The following NUMB variants were observed in gnomAD, a reference collection of about 807,000 sequenced individuals.
The protein encoded by NUMB is NUMB endocytic adaptor protein, also known as protein numb homolog.
Under a neutral mutation model 59.7 loss-of-function variants are expected in NUMB, and 29 were observed. The observed-to-expected ratio is 0.49, with a 90% CI of 0.36 to 0.66. The LOEUF (loss-of-function observed/expected upper bound fraction) is 0.66. Ranked by LOEUF, NUMB falls within the 30% of genes least tolerant of loss-of-function variation. NUMB has a pLI of 0.00. For missense variants in NUMB, 723 were observed against 822.0 expected (o/e 0.88, Z 1.47); for synonymous variants, 288 against 288.2 (o/e 1.00, Z 0.01).
rs745512673 is a variant in NUMB, at chr14:73,284,117, T to C, written c.913A>G (p.Met305Val). 4 of 1,614,000 alleles carry C rather than the reference T, an allele frequency of 2.5e-6. No homozygotes were observed. The highest frequency in any genetic ancestry group is 2.2e-5 in the South Asian group (2 of 91,084). ...ATGGGGAAATCAGTCTTCCTCTGCA[T>C]AGTGGAAGGCAACTCATTGATGCGT... ...SLRINELPST[M>V]QRKTDFPIKN... Residue 305 changes from methionine (M) to valine (V), a missense_variant, in exon 10 of 13, where the codon ATG becomes GTG. Around this residue, in one of 2 missense-constraint regions of NUMB, gnomAD observed 317 missense variants for 436.6 expected, o/e 0.73. Coordinates refer to ENST00000555238, the MANE Select transcript of NUMB (RefSeq NM_001005743.2).
chr14:73,305,623 T>C (rs1005051228), intron 6 of NUMB, among the ~76,000 whole-genome samples: 1 of 152,326 alleles, frequency 6.6e-6, no homozygotes, highest in African/African-American at 2.4e-5. Flanking sequence ...AGAAATGCTA[T>C]AAAGACACAT....
At chr14:73,329,146 G>C (rs762874071) in intron 4 of NUMB, among the ~76,000 whole-genome samples, 16 of 152,220 alleles carry the variant, frequency 1.1e-4, no homozygotes, top group Admixed American at 6.5e-4. Context: ...GGGATTACAG[G>C]CATGAGCCCC....
chr14:73,276,443 C>T lies in NUMB; in HGVS notation c.*135G>A. On this transcript the variant is annotated 3_prime_UTR_variant, in exon 13 of 13. Coordinates refer to ENST00000555238, the MANE Select transcript of NUMB (RefSeq NM_001005743.2). Reference sequence around the variant, plus strand: ...AAATCACCCCTCACAGTACTCTGGGCCTGGACTTGTTCCTTGGGACCTTTG... The same window carrying T: ...AAATCACCCCTCACAGTACTCTGGGTCTGGACTTGTTCCTTGGGACCTTTG... 4.5e-6 allele frequency: 3 copies of T among 673,342 alleles called. No homozygotes were observed. The South Asian group carries it at 6.0e-5, about 13-fold the overall frequency. 41.7% of individuals were successfully genotyped at this position (673,342 alleles called of 1,614,324 possible).
Position 73,284,212 on chromosome 14 carries a change from C to T in NUMB, c.818G>A (p.Arg273His). 6.2e-7 allele frequency: 1 copy of T among 1,614,112 alleles called. No homozygotes were observed. The change falls in exon 10 of 13, where the codon CGC (arginine) becomes CAC (histidine). Residue 273 changes from arginine to histidine, a missense_variant. By Grantham distance (29) the Arg-to-His change is conservative. Coordinates refer to ENST00000555238, the MANE Select transcript of NUMB (RefSeq NM_001005743.2). ...AGGAAAACCTCGGAAAGAGCCTTGG[C>T]GAGCAAGCTGTTCAATTGGAGCATG... Reference protein sequence around the residue: ...RRHAPIEQLARQGSFRGFPAL... With the variant: ...RRHAPIEQLAHQGSFRGFPAL...
At chr14:73,400,119 G>A (rs958447722) in intron 2 of NUMB, among the ~76,000 whole-genome samples, 1 of 152,086 alleles carries the variant, frequency 6.6e-6, no homozygotes, top group Non-Finnish European at 1.5e-5. Flanking sequence ...GTCATGAAGA[G>A]CAGACATGAA....
At chr14:73,361,056 T>C (rs1823913039) in intron 3 of NUMB, among the ~76,000 whole-genome samples, 1 of 151,994 alleles carries the variant, frequency 6.6e-6, no homozygotes, top group South Asian at 2.1e-4. Flanking sequence ...ACCCAGCTAA[T>C]TGTTGTGTTT....
Position 73,277,059 on chromosome 14 carries a change from G to A in NUMB, c.1475C>T (p.Pro492Leu), listed in dbSNP as rs1200971767. The A allele has an allele frequency of 2.5e-6, 4 of 1,614,170 alleles. No individual in the cohort carries two copies. Among genetic ancestry groups the A allele is most frequent in the African/African-American group, 1.3e-5 (1 of 75,066 alleles). The change falls in exon 13 of 13, where the codon CCT (proline) becomes CTT (leucine). Residue 492 changes from proline (P) to leucine (L), a missense_variant. Pro to Leu is a moderately conservative substitution (Grantham distance 98). Around this residue, in one of 2 missense-constraint regions of NUMB, gnomAD observed 406 missense variants for 385.4 expected, o/e 1.05. Coordinates refer to ENST00000555238, the MANE Select transcript of NUMB (RefSeq NM_001005743.2). ...FQGNAFLTSQPVPVGVVPALQ... is the reference protein window; with the variant it reads ...FQGNAFLTSQLVPVGVVPALQ... The stretch of plus-strand genomic sequence containing the variant: ...GGCTGGGACCACACCCACTGGCACA[G>A]GCTGAGAGGTGAGGAATGCATTCCC...
intron 4 of NUMB, among the ~76,000 whole-genome samples, chr14:73,343,022 G>A (rs967528748): frequency 8.6e-5 from 13 of 150,314 alleles, no homozygotes; most frequent in Non-Finnish European, 1.6e-4. Flanking sequence ...TTGTAAAGAT[G>A]GAGTCTCCCT....
chr14:73,419,211 G>A (rs973603843), intron 1 of NUMB, among the ~76,000 whole-genome samples: 2 of 152,092 alleles, frequency 1.3e-5, no homozygotes, highest in African/African-American at 4.8e-5. Flanking sequence ...GGAGGAAAAG[G>A]AATGAAAATC....
chr14:73,450,673 T>TA lies in NUMB; in HGVS notation c.-233+7819dup, dbSNP rs1651815453. Among the ~76,000 whole-genome samples the TA allele has an allele frequency of 2.0e-5, 3 of 152,074 alleles. No homozygotes were observed. In the South Asian group the frequency reaches 6.2e-4, roughly 32 times the overall value. Reference sequence around the variant, plus strand: ...AGCCGGGCGTGGTGGCACACGCCTGTAATCCCAGCTACTCGGAAGGCAGGA... The same window carrying TA: ...AGCCGGGCGTGGTGGCACACGCCTGTAAATCCCAGCTACTCGGAAGGCAGGA... On this transcript the variant is annotated intron_variant, in intron 1 of 12. Coordinates refer to ENST00000555238, the MANE Select transcript of NUMB (RefSeq NM_001005743.2).
At chr14:73,346,030 CAAAG>C (rs1398733947) in intron 4 of NUMB, among the ~76,000 whole-genome samples, 2 of 151,970 alleles carry the variant, frequency 1.3e-5, no homozygotes, top group African/African-American at 2.4e-5. Flanking sequence ...TTTTCCAAAA[CAAAG>C]AAATTTAGTG....
At chr14:73,448,032 A>C (rs1465889006) in intron 1 of NUMB, among the ~76,000 whole-genome samples, 1 of 152,136 alleles carries the variant, frequency 6.6e-6, no homozygotes, top group Non-Finnish European at 1.5e-5. Flanking sequence ...TCTGAGCTCA[A>C]GTGATTCGCC....
At chr14:73,410,277 T>C (rs1161622203) in intron 1 of NUMB, among the ~76,000 whole-genome samples, 5 of 152,200 alleles carry the variant, frequency 3.3e-5, no homozygotes, top group East Asian at 3.8e-4. Flanking sequence ...GTGGATAATA[T>C]GGGTTCAAGT....
chr14:73,307,972 AT>A (rs1211256424), intron 6 of NUMB, among the ~76,000 whole-genome samples: 2 of 151,652 alleles, frequency 1.3e-5, no homozygotes, highest in Admixed American at 1.3e-4. Context: ...TGACCTCGTG[AT>A]CCGCCCGCCT....
At chr14:73,390,489 T>C (rs1895784925) in intron 2 of NUMB, among the ~76,000 whole-genome samples, 1 of 152,092 alleles carries the variant, frequency 6.6e-6, no homozygotes, top group African/African-American at 2.4e-5. Context: ...AGATCCAATC[T>C]TTCTTTGAAG....
chr14:73,396,526 A>AT (rs201206935), intron 2 of NUMB, among the ~76,000 whole-genome samples: 1 of 57,764 alleles, frequency 1.7e-5, no homozygotes, highest in Non-Finnish European at 2.9e-5. Flanking sequence ...TTTTTTGTGT[A>AT]TTTTTTTTGT....
chr14:73,397,897 T>C (rs1043061059), intron 2 of NUMB, among the ~76,000 whole-genome samples: 1 of 151,360 alleles, frequency 6.6e-6, no homozygotes, highest in African/African-American at 2.4e-5. Flanking sequence ...ACTCTCCTTC[T>C]GTGTTAACCT....
chr14:73,294,613 G>A (rs185726156), intron 7 of NUMB, among the ~76,000 whole-genome samples: 34 of 151,480 alleles, frequency 2.2e-4, no homozygotes, highest in African/African-American at 7.5e-4. Context: ...TGCCTCCTAG[G>A]TTCAAGTGAC....
chr14:73,289,406 T>C (rs1889237878), intron 8 of NUMB, among the ~76,000 whole-genome samples: 1 of 152,256 alleles, frequency 6.6e-6, no homozygotes. Flanking sequence ...TAGACCATTT[T>C]GCTAATTGTG....
Sources: allele counts gnomAD v4.1 joint callset (sites outside exome capture counted in the v4.1 genomes callset), GRCh38; gene constraint gnomAD v4.1.1; regional missense constraint gnomAD v4.1.1; transcripts MANE v1.5; gene names NCBI Gene and HGNC (gene_info 2026-07-23, HGNC 2026-07-21).